The following NAPSA variants were observed in gnomAD, a reference collection of about 807,000 sequenced individuals.
NAPSA encodes the protein napsin A aspartic peptidase, also known as napsin-A.
Under a neutral mutation model 36.7 loss-of-function variants are expected in NAPSA, and 37 were observed. The ratio of observed to expected loss-of-function variants is 1.01; its 90% CI spans 0.78 to 1.33. NAPSA has a LOEUF of 1.33. NAPSA is among the 40% of genes most tolerant of loss of function. The pLI is 0.00. For missense variants in NAPSA, 532 were observed against 543.8 expected (o/e 0.98, Z 0.21); for synonymous variants, 222 against 234.5 (o/e 0.95, Z 0.49).
At chr19:50,363,435 C>T (rs956601524) in intron 1 of NAPSA, among the ~76,000 whole-genome samples, 2 of 152,110 alleles carry the variant, frequency 1.3e-5, no homozygotes, top group African/African-American at 4.8e-5. Context: ...GGCTGGAGTG[C>T]AGTAGTGCAG....
chr19:50,359,797 G>T lies in NAPSA; in HGVS notation c.734C>A (p.Pro245Gln), dbSNP rs753293037. The change falls in exon 6 of 9, where the codon CCA becomes CAA. Residue 245 changes from proline to glutamine, a missense_variant. Coordinates refer to ENST00000253719, the MANE Select transcript of NAPSA (RefSeq NM_004851.3). ...CGTGACTGGCACGAAGGTGAGGGGT[G>T]GGATGTAGTGTGCCGGGTCCGAGCC... is the stretch of plus-strand genomic sequence containing the variant. ...LGGSDPAHYI[P>Q]PLTFVPVTVP... 1.4e-5 allele frequency: 22 copies of T among 1,614,102 alleles called. No individual in the cohort carries two copies. In the South Asian group the frequency reaches 2.2e-4, roughly 16 times the overall value.
intron 1 of NAPSA, 127 bp downstream of exon 1, chr19:50,365,412 C>T (rs1264814232): frequency 1.2e-6 from 1 of 818,468 alleles, no homozygotes; most frequent in Non-Finnish European, 2.0e-6. Flanking sequence ...ATCTGGAAAG[C>T]TGAGAAAGAA....
At chr19:50,368,120 T>C (rs2037571828), upstream of NAPSA, among the ~76,000 whole-genome samples, 1 of 131,480 alleles carries the variant, frequency 7.6e-6, no homozygotes, top group African/African-American at 3.0e-5. Context: ...ATCGCGCTGC[T>C]ACACTCCAGT....
intron 1 of NAPSA, chr19:50,362,536 C>T: frequency 2.4e-6 from 1 of 418,584 alleles, no homozygotes; most frequent in Non-Finnish European, 4.2e-6. Context: ...CCAAACAGAC[C>T]TTTCCATGTC....
intron 7 of NAPSA, 134 bp downstream of exon 7, chr19:50,359,369 T>A: frequency 8.3e-7 from 1 of 1,207,832 alleles, no homozygotes; most frequent in Non-Finnish European, 1.2e-6. Flanking sequence ...CTCCAGACTA[T>A]CTGTCACGAA....
upstream of NAPSA, among the ~76,000 whole-genome samples, chr19:50,368,662 TTCCG>T (rs1172088079): frequency 6.6e-6 from 1 of 152,106 alleles, no homozygotes; most frequent in Admixed American, 6.5e-5. Flanking sequence ...CCCGCACGCT[TTCCG>T]TCTGCAGCAC....
chr19:50,367,431 A>G (rs1858598043), upstream of NAPSA, among the ~76,000 whole-genome samples: 1 of 152,224 alleles, frequency 6.6e-6, no homozygotes. Flanking sequence ...TTGCAAACTC[A>G]TAGAGGTACT....
At position 50,360,939 on chromosome 19, in the gene NAPSA, AC is replaced by A. The variant is rs566669217; in HGVS notation, c.668+1del. The A allele has an allele frequency of 1.4e-4, 219 of 1,613,656 alleles. No homozygotes were observed. The African/African-American group carries it at 2.7e-3, about 20-fold the overall frequency. On this transcript the variant is annotated splice_donor_variant, in intron 5 of 8. Transcript: ENST00000253719. LOFTEE classifies it high-confidence loss of function. ...CATAGATAGGTGCACACTTCCCAGT[AC>A]CTGTTGAGGTAAAAGGAGAAGACAG...
rs143835641 is a variant in NAPSA, at chr19:50,365,562, C to T, written c.60G>A (p.Glu20=). 586 of 1,613,570 alleles carry T rather than the reference C, an allele frequency of 3.6e-4. No homozygotes were observed. Among genetic ancestry groups the T allele is most frequent in the Non-Finnish European group, 4.8e-4 (570 of 1,179,856 alleles). The change falls in exon 1 of 9, where the codon GAG becomes GAA. Residue 20 remains glutamate (E), a synonymous_variant. Transcript: ENST00000253719. ...ACCGGATCAGTGTGGCCCCGGAAGG[C>T]TCCACATTCAGCAGAGGCAGCAGCA... ...LLLLLPLLNV[E]PSGATLIRIP...
upstream of NAPSA, chr19:50,366,072 G>T (rs2037545836): frequency 6.5e-6 from 1 of 153,572 alleles, no homozygotes; most frequent in East Asian, 1.9e-4. Flanking sequence ...TATGAAGTGG[G>T]CCCGCATTTC....
upstream of NAPSA, among the ~76,000 whole-genome samples, chr19:50,368,351 G>A (rs1156752499): frequency 1.3e-5 from 2 of 151,640 alleles, no homozygotes; most frequent in East Asian, 1.9e-4. Context: ...AATTATCTGG[G>A]CGTAATGGCA....
intron 1 of NAPSA, 73 bp from the exon 2 acceptor site, chr19:50,362,386 A>G: frequency 2.1e-6 from 3 of 1,407,472 alleles, no homozygotes; most frequent in Non-Finnish European, 2.9e-6. Context: ...CCCAAATAGG[A>G]TATGATGACA....
intron 1 of NAPSA, chr19:50,362,543 T>C: frequency 2.5e-6 from 1 of 398,368 alleles, no homozygotes; most frequent in Non-Finnish European, 4.5e-6. Flanking sequence ...GACCTTTCCA[T>C]GTCCAAATCC....
upstream of NAPSA, among the ~76,000 whole-genome samples, chr19:50,367,481 G>C (rs1213665375): frequency 2.6e-5 from 4 of 151,864 alleles, no homozygotes; most frequent in Non-Finnish European, 5.9e-5. Flanking sequence ...GATTTATCTG[G>C]ATTACCAGGC....
Position 50,365,333 on chromosome 19 carries a change from C to CA in NAPSA, c.83+205dup, listed in dbSNP as rs1488334210. On this transcript the variant is annotated intron_variant, in intron 1 of 8. Transcript: ENST00000253719. The stretch of plus-strand genomic sequence containing the variant: ...TGGGCAACAGAGTGAGACTCCATCT[C>CA]AAAAAAAAGAAATCTGGTCTTAAGA... Among the ~76,000 whole-genome samples, 6 of 151,818 alleles carry CA rather than the reference C, an allele frequency of 4.0e-5. No homozygotes were observed. The East Asian group carries it at 7.7e-4, about 20-fold the overall frequency.
At chr19:50,366,419 C>A (rs1362235944), upstream of NAPSA, among the ~76,000 whole-genome samples, 1 of 151,412 alleles carries the variant, frequency 6.6e-6, no homozygotes, top group Non-Finnish European at 1.5e-5. Flanking sequence ...TTATTTCAAT[C>A]TCTTTGTTAA....
At chr19:50,361,623 C>T in intron 4 of NAPSA, 40 bp downstream of exon 4, 1 of 1,531,786 alleles carries the variant, frequency 6.5e-7, no homozygotes, top group Non-Finnish European at 9.0e-7. Flanking sequence ...CAATGGGGTT[C>T]TCCCAGGCTC....
Position 50,359,038 on chromosome 19 carries a change from G to A in NAPSA, c.1008C>T (p.Asn336=). The A allele has an allele frequency of 6.2e-7, 1 of 1,614,078 alleles. No homozygotes were observed. Residue 336 remains asparagine, a synonymous_variant, in exon 8 of 9, where the codon AAC becomes AAT. Transcript: ENST00000253719. Reference sequence around the variant, plus strand: ...GGATGACGTAATCATGGGCCGTGAGGTTAAACCAGACCCCCCCAAGAAGGA... The same window carrying A: ...GGATGACGTAATCATGGGCCGTGAGATTAAACCAGACCCCCCCAAGAAGGA... ...VSFLLGGVWF[N]LTAHDYVIQT... is the part of the protein sequence containing the mutation.
At chr19:50,366,517 G>T (rs549631403), upstream of NAPSA, among the ~76,000 whole-genome samples, 1 of 152,048 alleles carries the variant, frequency 6.6e-6, no homozygotes, top group African/African-American at 2.4e-5. Flanking sequence ...ATTCTCTGTC[G>T]GAAAGGTCAC....
Sources: allele counts gnomAD v4.1 joint callset (sites outside exome capture counted in the v4.1 genomes callset), GRCh38; gene constraint gnomAD v4.1.1; transcripts MANE v1.5; gene names NCBI Gene and HGNC (gene_info 2026-07-23, HGNC 2026-07-21).